The following DES variants were observed in gnomAD, a reference collection of about 807,000 sequenced individuals.
DES encodes the protein desmin, also known as cardiomyopathy, dilated 1F (autosomal dominant).
In DES, 34 loss-of-function variants were observed where a neutral mutation model predicts 55.1. That is an observed-to-expected ratio of 0.62 (90% CI 0.47 to 0.82). The LOEUF (loss-of-function observed/expected upper bound fraction) is 0.82, where lower values mean the gene tolerates loss of function less well. DES is among the 40% of genes least tolerant of loss of function. DES has a pLI of 0.00. For synonymous variants in DES, 259 were observed against 270.8 expected (o/e 0.96, Z 0.43); for missense variants, 596 against 645.9 (o/e 0.92, Z 0.84).
chr2:219,426,381 C>T lies in DES; in HGVS notation c.*391C>T, dbSNP rs931755403. Reference sequence around the variant, plus strand: ...ATACTGCAGGGCCAGGACTGAGCCCCGCAGACCTCCCCAGCCCCTAGCCCA... The same window carrying T: ...ATACTGCAGGGCCAGGACTGAGCCCTGCAGACCTCCCCAGCCCCTAGCCCA... On this transcript the variant is annotated 3_prime_UTR_variant, in exon 9 of 9. Transcript: ENST00000373960. This position sits in a 1 kb window ranked among gnomAD's most constrained non-coding sequence, Gnocchi z 4.5. 3 of 375,474 alleles carry T rather than the reference C, an allele frequency of 8.0e-6. No homozygotes were observed. The highest frequency in any genetic ancestry group is 3.7e-5 in the Admixed American group (1 of 26,882). The allele number at this position is 375,474 out of a possible 1,614,324, so 23.3% of individuals were successfully genotyped here. A position where few individuals can be genotyped will look rare whatever the true frequency, so the allele number is the denominator to read the frequency against.
chr2:219,421,601 G>T, intron 6 of DES, 41 bp downstream of exon 6: 1 of 1,590,676 alleles, frequency 6.3e-7, no homozygotes, highest in Non-Finnish European at 8.6e-7. Context: ...GGTGCGGGGT[G>T]CTGGGTGGTC....
intron 7 of DES, among the ~76,000 whole-genome samples, chr2:219,424,759 A>T (rs1954505897): frequency 6.6e-6 from 1 of 152,242 alleles, no homozygotes; most frequent in African/African-American, 2.4e-5. Flanking sequence ...CTTTGTGGCC[A>T]TGATAAGGTT....
In DES at chr2:219,420,061, C is replaced by G. The variant is rs375358002; in HGVS notation, c.579-34C>G. The G allele has an allele frequency of 1.2e-6, 2 of 1,613,016 alleles. No individual in the cohort carries two copies. ...CGTTTCCACTGCCAGCTTTATCACC[C>G]GCAACTGTCTGTCTTTCTGTCTGTC... On this transcript the variant is annotated intron_variant, in intron 1 of 8. Transcript: ENST00000373960. This position sits in a 1 kb window ranked among gnomAD's most constrained non-coding sequence, Gnocchi z 6.0.
At position 219,426,100 on chromosome 2, in the gene DES, C is replaced by T; in HGVS notation, c.*110C>T. On this transcript the variant is annotated 3_prime_UTR_variant, in exon 9 of 9. Transcript: ENST00000373960. This position sits in a 1 kb window ranked among gnomAD's most constrained non-coding sequence, Gnocchi z 4.5. Reference sequence around the variant, plus strand: ...CCACACCCAGCCTCAGTCCTCCCCTCACAGCCTCTGACCCCTCCTCACTGG... The same window carrying T: ...CCACACCCAGCCTCAGTCCTCCCCTTACAGCCTCTGACCCCTCCTCACTGG... 7.9e-7 allele frequency: 1 copy of T among 1,268,398 alleles called. No homozygotes were observed. Among genetic ancestry groups the T allele is most frequent in the Non-Finnish European group, 1.1e-6 (1 of 887,696 alleles). The allele number at this position is 1,268,398 out of a possible 1,614,324, so 78.6% of individuals were successfully genotyped here.
At chr2:219,423,988 A>G in intron 7 of DES, 168 bp downstream of exon 7, 1 of 720,700 alleles carries the variant, frequency 1.4e-6, no homozygotes, top group Non-Finnish European at 2.4e-6. Flanking sequence ...GAGTTTAGGT[A>G]GAGGTGGATG....
chr2:219,420,420 C>A lies in DES; in HGVS notation c.735+74C>A. 1 of 1,612,482 alleles carries A rather than the reference C, an allele frequency of 6.2e-7. No homozygotes were observed. Among genetic ancestry groups the A allele is most frequent in the African/African-American group, 1.3e-5 (1 of 74,988 alleles). The stretch of plus-strand genomic sequence containing the variant: ...GCCGGAAAGTGGGGTTGGGGTGAGG[C>A]TCTGGCTGGGAATAGGGGTGTGAGG... On this transcript the variant is annotated intron_variant, in intron 3 of 8. Coordinates refer to ENST00000373960, the MANE Select transcript of DES (RefSeq NM_001927.4). The surrounding 1 kb of genome is among the most constrained non-coding windows in gnomAD (Gnocchi z 6.0).
Position 219,426,127 on chromosome 2 carries a change from C to T in DES, c.*137C>T. On this transcript the variant is annotated 3_prime_UTR_variant, in exon 9 of 9. Coordinates refer to ENST00000373960, the MANE Select transcript of DES (RefSeq NM_001927.4). This position sits in a 1 kb window ranked among gnomAD's most constrained non-coding sequence, Gnocchi z 4.5. ...CAGCCTCTGACCCCTCCTCACTGGC[C>T]ATCCCTCGTGGTCCCCAACAGCGAC... is the stretch of plus-strand genomic sequence containing the variant. 1 of 1,031,816 alleles carries T rather than the reference C, an allele frequency of 9.7e-7. No individual in the cohort carries two copies. Among genetic ancestry groups the T allele is most frequent in the East Asian group, 2.6e-5 (1 of 38,630 alleles). 63.9% of individuals were successfully genotyped at this position (1,031,816 alleles called of 1,614,324 possible). A position where few individuals can be genotyped will look rare whatever the true frequency, so the allele number is the denominator to read the frequency against.
chr2:219,423,351 G>C (rs985034740), intron 6 of DES, among the ~76,000 whole-genome samples: 1 of 152,154 alleles, frequency 6.6e-6, no homozygotes. Context: ...GGGAGTGCTG[G>C]GGTCCGTGGG....
chr2:219,422,591 A>G lies in DES; in HGVS notation c.1244+1031A>G, dbSNP rs6723371. Among the ~76,000 whole-genome samples, 154 of 147,928 alleles carry G rather than the reference A, an allele frequency of 1.0e-3. 1 individual carries two copies. Among genetic ancestry groups the G allele is most frequent in the African/African-American group, 3.7e-3 (149 of 39,996 alleles). ...GCGGTTCTCCTGTCTCAGCCTCCCT[A>G]GTAGCTGGGATTACAGGCGTGTGCC... On this transcript the variant is annotated intron_variant, in intron 6 of 8. Transcript: ENST00000373960.
intron 6 of DES, among the ~76,000 whole-genome samples, chr2:219,422,461 A>ATATTTTTTTT (rs1954462754): frequency 2.4e-5 from 1 of 41,952 alleles, no homozygotes; most frequent in African/African-American, 9.4e-5. Flanking sequence ...AATGTTCTAT[A>ATATTTTTTTT]TCTTTTTTTT....
chr2:219,418,748 G>T lies in DES; in HGVS notation c.286G>T (p.Ala96Ser), dbSNP rs201190593. 5.1e-6 allele frequency: 8 copies of T among 1,561,588 alleles called. No individual in the cohort carries two copies. The East Asian group carries it at 1.2e-4, about 23-fold the overall frequency. Residue 96 changes from alanine to serine, a missense_variant, in exon 1 of 9, where the codon GCG (alanine) becomes TCG (serine). Transcript: ENST00000373960. The stretch of plus-strand genomic sequence containing the variant: ...GCTGCTGGACTTCTCACTGGCCGAC[G>T]CGGTGAACCAGGAGTTTCTGACCAC... ...GELLDFSLAD[A>S]VNQEFLTTRT...
chr2:219,423,866 A>G (rs1423615847), intron 7 of DES, 46 bp downstream of exon 7: 1 of 1,606,112 alleles, frequency 6.2e-7, no homozygotes, highest in South Asian at 1.1e-5. Context: ...AGGGGCCAGG[A>G]GTCCAGCATG....
At position 219,423,818 on chromosome 2, in the gene DES, G is replaced by C. The variant is rs200580581; in HGVS notation, c.1286G>C (p.Arg429Pro). Residue 429 changes from arginine to proline, a missense_variant and splice_region_variant, in exon 7 of 9, where the codon CGA becomes CCA. Arg to Pro is a moderately radical substitution (Grantham distance 103). Transcript: ENST00000373960. Reference protein sequence around the residue: ...PIQTYSALNFRETSPEQRGSE... With the variant: ...PIQTYSALNFPETSPEQRGSE... ...CAGACCTACTCTGCCCTCAACTTCC[G>C]AGGTGAGTGTCTGCTGGCAGGCGGA... is the stretch of plus-strand genomic sequence containing the variant. The C allele has an allele frequency of 6.2e-7, 1 of 1,613,884 alleles. No individual in the cohort carries two copies. The highest frequency in any genetic ancestry group is 8.5e-7 in the Non-Finnish European group (1 of 1,179,846).
chr2:219,425,145 C>T (rs1559354216), intron 7 of DES: 1 of 160,920 alleles, frequency 6.2e-6, no homozygotes, highest in South Asian at 1.8e-4. Flanking sequence ...GATCCACCTG[C>T]CTCGGTCTCC....
intron 5 of DES, 70 bp downstream of exon 5, chr2:219,421,023 T>C: frequency 6.3e-7 from 1 of 1,575,760 alleles, no homozygotes; most frequent in Admixed American, 1.8e-5. Flanking sequence ...CTTTGTGACC[T>C]TGGGCCCATC....
At chr2:219,423,551 T>C (rs1954481153) in intron 6 of DES, among the ~76,000 whole-genome samples, 1 of 151,534 alleles carries the variant, frequency 6.6e-6, no homozygotes, top group African/African-American at 2.4e-5. Context: ...ACCATTCTCC[T>C]GCCTCACCCT....
intron 7 of DES, among the ~76,000 whole-genome samples, chr2:219,424,159 A>T (rs1027926966): frequency 6.6e-6 from 1 of 152,172 alleles, no homozygotes. Flanking sequence ...CTTCAGGAGC[A>T]TCTCATACCA....
rs1954416057 is a variant in DES, at chr2:219,420,430, G to A, written c.736-65G>A. On this transcript the variant is annotated intron_variant, in intron 3 of 8. Coordinates refer to ENST00000373960, the MANE Select transcript of DES (RefSeq NM_001927.4). The surrounding 1 kb of genome is among the most constrained non-coding windows in gnomAD (Gnocchi z 6.0). ...GGGGTTGGGGTGAGGCTCTGGCTGGGAATAGGGGTGTGAGGGTGCTGTGTG... is the reference window on the plus strand; with the variant it reads ...GGGGTTGGGGTGAGGCTCTGGCTGGAAATAGGGGTGTGAGGGTGCTGTGTG... The A allele has an allele frequency of 1.9e-6, 3 of 1,613,122 alleles. No individual in the cohort carries two copies. In the Admixed American group the frequency reaches 5.0e-5, roughly 27 times the overall value.
rs267607498 is a variant in DES, at chr2:219,425,707, A to G, written c.1333A>G (p.Thr445Ala). 9 of 1,598,992 alleles carry G rather than the reference A, an allele frequency of 5.6e-6. No individual in the cohort carries two copies. The highest frequency in any genetic ancestry group is 7.7e-6 in the Non-Finnish European group (9 of 1,173,018). ...GGGTTCTGAGGTCCATACCAAGAAG[A>G]CGGTGATGATCAAGACCATCGAGAC... ...QRGSEVHTKK[T>A]VMIKTIETRD... The change falls in exon 8 of 9, where the codon ACG becomes GCG. Residue 445 changes from threonine to alanine, a missense_variant. Transcript: ENST00000373960.
Sources: gnomAD v4.1 joint callset for allele counts (sites outside exome capture counted in the v4.1 genomes callset) on GRCh38, gnomAD v4.1.1 for gene constraint, Gnocchi (gnomAD v3.1) non-coding constraint, MANE v1.5 for transcripts, NCBI Gene and HGNC (gene_info 2026-07-23, HGNC 2026-07-21) for gene names.